GAN: variants seen among roughly 807,000 people sequenced by gnomAD.
GAN encodes the protein epididymis secretory sperm binding protein.
In GAN, 48 loss-of-function variants were observed where a neutral mutation model predicts 71.3. The observed-to-expected ratio is 0.67, with a 90% confidence interval of 0.53 to 0.86. The LOEUF (loss-of-function observed/expected upper bound fraction) is 0.86. GAN is among the 40% of genes least tolerant of loss of function. GAN has a pLI of 0.00. For missense variants in GAN, 928 were observed against 770.1 expected (o/e 1.21, Z -2.43); for synonymous variants, 386 against 276.8 (o/e 1.39, Z -3.92).
rs746154353 is a variant in GAN at position 81,354,417 on chromosome 16, G to A, written c.295G>A (p.Glu99Lys). The change falls in exon 3 of 11, where the codon GAA (glutamate) becomes AAA (lysine). Residue 99 changes from glutamate to lysine, a missense_variant. Physicochemically the swap from Glu to Lys is moderately conservative, Grantham distance 56. Coordinates refer to ENST00000648994, the MANE Select transcript of GAN (RefSeq NM_022041.4). ...GCTACTTTTTTAGATCAGGCTAAAT[G>A]AAGATACAATCCAAGATGTTGTTCA... Reference protein sequence around the residue: ...YIFSGQIRLNEDTIQDVVQAA... With the variant: ...YIFSGQIRLNKDTIQDVVQAA... The A allele has an allele frequency of 1.2e-6, 2 of 1,607,616 alleles. No homozygotes were observed. The highest frequency in any genetic ancestry group is 1.3e-5 in the African/African-American group (1 of 74,786).
chr16:81,370,686 C>T (rs764640088), intron 9 of GAN, among the ~76,000 whole-genome samples: 7 of 152,350 alleles, frequency 4.6e-5, no homozygotes, highest in South Asian at 4.1e-4. Flanking sequence ...GGAAGGCAGC[C>T]GACAGCGGCA....
At chr16:81,346,134 C>T (rs1910111042) in intron 1 of GAN, among the ~76,000 whole-genome samples, 1 of 152,102 alleles carries the variant, frequency 6.6e-6, no homozygotes, top group Non-Finnish European at 1.5e-5. Flanking sequence ...CCATCTGGGT[C>T]TAGTCAGGAG....
chr16:81,346,596 C>G (rs1910126901), intron 1 of GAN, among the ~76,000 whole-genome samples: 1 of 152,238 alleles, frequency 6.6e-6, no homozygotes. Flanking sequence ...TGAGGTGGAA[C>G]AGTTTTACCC....
At position 81,340,091 on chromosome 16, in the gene GAN, C is replaced by T. The variant is rs1446596639; in HGVS notation, c.168-11492C>T. Among the ~76,000 whole-genome samples the T allele has an allele frequency of 2.0e-5, 3 of 152,098 alleles. No individual in the cohort carries two copies. The East Asian group carries it at 5.8e-4, about 29-fold the overall frequency. Reference sequence around the variant, plus strand: ...CCACCTGCTGAGAAAAACCTGTATTCTTTATATTTGTTCGTTTCTTTGTTT... The same window carrying T: ...CCACCTGCTGAGAAAAACCTGTATTTTTTATATTTGTTCGTTTCTTTGTTT... On this transcript the variant is annotated intron_variant, in intron 1 of 10. Transcript: ENST00000648994.
chr16:81,332,037 T>A (rs1909596223), intron 1 of GAN, among the ~76,000 whole-genome samples: 1 of 152,008 alleles, frequency 6.6e-6, no homozygotes, highest in African/African-American at 2.4e-5. Context: ...GGCGCATGCC[T>A]GTGATCCCAG....
At chr16:81,336,243 T>A (rs2150675190) in intron 1 of GAN, among the ~76,000 whole-genome samples, 1 of 152,276 alleles carries the variant, frequency 6.6e-6, no homozygotes, top group East Asian at 1.9e-4. Context: ...AGACCTCTGG[T>A]TGTGTCTCAG....
intron 1 of GAN, among the ~76,000 whole-genome samples, chr16:81,317,258 A>G (rs1343355507): frequency 1.3e-5 from 2 of 152,252 alleles, no homozygotes; most frequent in African/African-American, 4.8e-5. Flanking sequence ...TACCACAGCA[A>G]ATGTGTACAT....
At chr16:81,360,526 C>G (rs1214963622) in intron 5 of GAN, among the ~76,000 whole-genome samples, 6 of 150,820 alleles carry the variant, frequency 4.0e-5, no homozygotes, top group Non-Finnish European at 7.4e-5. Flanking sequence ...TTTGATTTAT[C>G]TTCTTTTCTC....
intron 1 of GAN, among the ~76,000 whole-genome samples, chr16:81,350,382 C>A (rs1910259359): frequency 6.6e-6 from 1 of 152,308 alleles, no homozygotes; most frequent in South Asian, 2.1e-4. Context: ...GTTTATGAAT[C>A]CGCAGATGCC....
At chr16:81,333,542 C>T (rs1390893228) in intron 1 of GAN, among the ~76,000 whole-genome samples, 1 of 152,120 alleles carries the variant, frequency 6.6e-6, no homozygotes, top group Non-Finnish European at 1.5e-5. Context: ...TTATGTAACA[C>T]AATGGGTACT....
chr16:81,381,486 C>T lies in GAN; in HGVS notation c.*3890C>T, dbSNP rs1904304631. On this transcript the variant is annotated 3_prime_UTR_variant, in exon 11 of 11. Coordinates refer to ENST00000648994, the MANE Select transcript of GAN (RefSeq NM_022041.4). ...AGGCGGCCCTTTTCCACTGGCTGCTCACTGAGCACTGGAGTCCAGGAAGTC... is the reference window on the plus strand; with the variant it reads ...AGGCGGCCCTTTTCCACTGGCTGCTTACTGAGCACTGGAGTCCAGGAAGTC... The T allele has an allele frequency of 6.6e-6, 1 of 152,264 alleles. No individual in the cohort carries two copies. The highest frequency in any genetic ancestry group is 1.5e-5 in the Non-Finnish European group (1 of 68,056). The allele number at this position is 152,264 out of a possible 1,614,324, so 9.4% of individuals were successfully genotyped here. A position where few individuals can be genotyped will look rare whatever the true frequency, so the allele number is the denominator to read the frequency against.
At chr16:81,325,129 A>C (rs556156333) in intron 1 of GAN, among the ~76,000 whole-genome samples, 47 of 152,256 alleles carry the variant, frequency 3.1e-4, no homozygotes, top group Non-Finnish European at 6.0e-4. Flanking sequence ...CATCACACTT[A>C]CAGTAGGCAT....
At position 81,384,782 on chromosome 16, in the gene GAN, G is replaced by A. The variant is rs1021286309; in HGVS notation, c.*7186G>A. 4 of 152,120 alleles carry A rather than the reference G, an allele frequency of 2.6e-5. No homozygotes were observed. Among genetic ancestry groups the A allele is most frequent in the African/African-American group, 4.8e-5 (2 of 41,400 alleles). The allele number at this position is 152,120 out of a possible 1,614,324, so 9.4% of individuals were successfully genotyped here. On this transcript the variant is annotated 3_prime_UTR_variant, in exon 11 of 11. Coordinates refer to ENST00000648994, the MANE Select transcript of GAN (RefSeq NM_022041.4). Reference sequence around the variant, plus strand: ...TGTGGAACATCCCTCACCTTCCTCCGGTATGCGCCTTCTGCACTCCACACG... The same window carrying A: ...TGTGGAACATCCCTCACCTTCCTCCAGTATGCGCCTTCTGCACTCCACACG...
intron 1 of GAN, among the ~76,000 whole-genome samples, chr16:81,324,721 A>G (rs1597389053): frequency 6.6e-6 from 1 of 152,202 alleles, no homozygotes; most frequent in Admixed American, 6.5e-5. Context: ...TTGATGGCAT[A>G]GTTGAGTCTG....
chr16:81,371,061 G>A (rs371728080), intron 9 of GAN, among the ~76,000 whole-genome samples: 1 of 152,110 alleles, frequency 6.6e-6, no homozygotes, highest in Non-Finnish European at 1.5e-5. Flanking sequence ...TGTCTTGTTT[G>A]CTGCTGCTTT....
chr16:81,335,746 C>A (rs1382198912), intron 1 of GAN, among the ~76,000 whole-genome samples: 2,059 of 102,982 alleles, frequency 0.02, no homozygotes, highest in Non-Finnish European at 0.022. Context: ...GACTCAGTCT[C>A]AAAAAAAAAA....
chr16:81,344,042 A>G (rs1231073069), intron 1 of GAN, among the ~76,000 whole-genome samples: 1 of 152,214 alleles, frequency 6.6e-6, no homozygotes, highest in Non-Finnish European at 1.5e-5. Flanking sequence ...ATACATAGGA[A>G]TACAACTTAC....
Position 81,364,845 on chromosome 16 carries a change from A to C in GAN, c.1237-129A>C, listed in dbSNP as rs543077332. On this transcript the variant is annotated intron_variant, in intron 7 of 10. Transcript: ENST00000648994. ...CGGTGTTGTAATACTGAAAAGCACCATCGTTTTACGGTTAGAAATCAAACC... is the reference window on the plus strand; with the variant it reads ...CGGTGTTGTAATACTGAAAAGCACCCTCGTTTTACGGTTAGAAATCAAACC... 106 of 890,208 alleles carry C rather than the reference A, an allele frequency of 1.2e-4. 1 individual carries two copies. The highest frequency in any genetic ancestry group is 3.2e-5 in the Non-Finnish European group (17 of 533,252). 55.1% of individuals were successfully genotyped at this position (890,208 alleles called of 1,614,324 possible).
At chr16:81,327,371 C>T (rs1225443401) in intron 1 of GAN, among the ~76,000 whole-genome samples, 1 of 152,120 alleles carries the variant, frequency 6.6e-6, no homozygotes, top group African/African-American at 2.4e-5. Flanking sequence ...GGAAGTTCAT[C>T]CTGGAGCTGC....
Sources: allele counts gnomAD v4.1 joint callset (sites outside exome capture counted in the v4.1 genomes callset), GRCh38; gene constraint gnomAD v4.1.1; transcripts MANE v1.5; gene names NCBI Gene and HGNC (gene_info 2026-07-23, HGNC 2026-07-21).